SP1: variants seen among roughly 807,000 people sequenced by gnomAD.
SP1 encodes the protein transcription factor Sp1.
A neutral mutation model predicts 66.3 loss-of-function variants in SP1; 6 were observed. The ratio of observed to expected loss-of-function variants is 0.09; its 90% CI spans 0.05 to 0.18. The LOEUF is 0.18. SP1 is among the 10% of genes least tolerant of loss of function. The pLI, the probability that SP1 is intolerant of heterozygous loss-of-function variation, is 1.00. For synonymous variants in SP1, 417 were observed against 360.8 expected (o/e 1.16, Z -1.77); for missense variants, 848 against 964.5 (o/e 0.88, Z 1.60).
chr12:53,395,414 T>C (rs1351944252), intron 3 of SP1, among the ~76,000 whole-genome samples: 1 of 152,108 alleles, frequency 6.6e-6, no homozygotes, highest in Non-Finnish European at 1.5e-5. Context: ...TGTTATCACA[T>C]TTTAAGGCTT....
chr12:53,391,705 C>G (rs1449901055), intron 3 of SP1, among the ~76,000 whole-genome samples: 1 of 151,186 alleles, frequency 6.6e-6, no homozygotes, highest in Non-Finnish European at 1.5e-5. Context: ...TACCCGGGTC[C>G]GGTCATGAGC....
At chr12:53,394,454 A>T in intron 3 of SP1, among the ~76,000 whole-genome samples, 1 of 130,772 alleles carries the variant, frequency 7.6e-6, no homozygotes, top group Non-Finnish European at 1.6e-5. Context: ...TCTGGTGCCC[A>T]GAGTGCTGTG....
intron 3 of SP1, among the ~76,000 whole-genome samples, chr12:53,387,549 A>C (rs1306236035): frequency 6.6e-6 from 1 of 152,224 alleles, no homozygotes; most frequent in African/African-American, 2.4e-5. Context: ...GAAGTTATTT[A>C]GTACAACTGC....
intron 3 of SP1, among the ~76,000 whole-genome samples, chr12:53,387,642 TA>T (rs1490502452): frequency 6.6e-6 from 1 of 152,174 alleles, no homozygotes; most frequent in Admixed American, 6.6e-5. Context: ...TTTACTAGTC[TA>T]GGGTGCAACC....
At position 53,411,165 on chromosome 12, in the gene SP1, T is replaced by C. The variant is rs750020692; in HGVS notation, c.2283T>C (p.Arg761=). The C allele has an allele frequency of 1.2e-6, 2 of 1,614,120 alleles. No homozygotes were observed. Among genetic ancestry groups the C allele is most frequent in the Non-Finnish European group, 1.7e-6 (2 of 1,180,038 alleles). ...MEAICPEGIA[R]LANSGINVMQ... ...CCATCTGTCCAGAGGGCATTGCCCG[T>C]CTTGCCAACAGTGGCATCAACGTCA... The change falls in exon 6 of 6, where the codon CGT becomes CGC. Residue 761 remains arginine, a synonymous_variant. Transcript: ENST00000327443.
intron 3 of SP1, among the ~76,000 whole-genome samples, chr12:53,386,109 A>AT (rs909639194): frequency 1.1e-4 from 17 of 151,552 alleles, no homozygotes; most frequent in African/African-American, 2.9e-4. Context: ...TCAGGATTGA[A>AT]TTTTTTTTTA....
rs1938953070 is a variant in SP1 at position 53,414,284 on chromosome 12, C to G, written c.*3044C>G. ...GATAGTAAAACACTTATTCCCTCAT[C>G]CTTTCAGGTTTTCAGGTTGCCCATT... On this transcript the variant is annotated 3_prime_UTR_variant, in exon 6 of 6. Transcript: ENST00000327443. 6.6e-6 allele frequency: 1 copy of G among 152,540 alleles called. No individual in the cohort carries two copies. Among genetic ancestry groups the G allele is most frequent in the Non-Finnish European group, 1.5e-5 (1 of 68,038 alleles). 9.4% of individuals were successfully genotyped at this position (152,540 alleles called of 1,614,324 possible).
chr12:53,382,949 C>T lies in SP1; in HGVS notation c.1002C>T (p.Ser334=). The part of the protein sequence containing the change: ...ANSYSTTTTT[S]NMGIMNFTTS... ...GCTACTCAACTACTACTACCACCAGCAACATGGGAATTATGAACTTTACTA... is the reference window on the plus strand; with the variant it reads ...GCTACTCAACTACTACTACCACCAGTAACATGGGAATTATGAACTTTACTA... Residue 334 remains serine, a synonymous_variant, in exon 3 of 6, where the codon AGC becomes AGT. Transcript: ENST00000327443. 6.2e-7 allele frequency: 1 copy of T among 1,614,170 alleles called. No homozygotes were observed. Among genetic ancestry groups the T allele is most frequent in the Non-Finnish European group, 8.5e-7 (1 of 1,180,034 alleles).
At chr12:53,397,958 C>G (rs1938527943) in intron 3 of SP1, among the ~76,000 whole-genome samples, 1 of 152,212 alleles carries the variant, frequency 6.6e-6, no homozygotes, top group South Asian at 2.1e-4. Flanking sequence ...AACATTGCTA[C>G]TGAACCTTTG....
chr12:53,380,323 T>C (rs769675143), intron 1 of SP1, 25 bp downstream of exon 1: 19 of 1,525,268 alleles, frequency 1.2e-5, no homozygotes, highest in Admixed American at 1.9e-5. Flanking sequence ...ACTCCAAGCT[T>C]AGGGGTGGGA....
intron 4 of SP1, among the ~76,000 whole-genome samples, 153 bp from the exon 5 acceptor site, chr12:53,409,209 A>AGTG (rs1341563884): frequency 6.8e-6 from 1 of 147,320 alleles, no homozygotes; most frequent in East Asian, 2.0e-4. Flanking sequence ...TGGACGACAG[A>AGTG]GTGAGACTCT....
intron 1 of SP1, 54 bp downstream of exon 1, chr12:53,380,352 C>T: frequency 1.4e-6 from 2 of 1,408,370 alleles, no homozygotes; most frequent in South Asian, 3.0e-5. Flanking sequence ...AGGGGGCGCG[C>T]GCGAGGGCCG....
chr12:53,382,002 T>G (rs1258294586), intron 2 of SP1, 108 bp from the exon 3 acceptor site: 1 of 1,230,796 alleles, frequency 8.1e-7, no homozygotes, highest in Non-Finnish European at 1.1e-6. Context: ...TTTGTTTCTG[T>G]TTTTTGCTCC....
intron 3 of SP1, among the ~76,000 whole-genome samples, chr12:53,389,086 T>C (rs953489690): frequency 6.6e-6 from 1 of 152,050 alleles, no homozygotes; most frequent in East Asian, 1.9e-4. Context: ...GAAAGAACAT[T>C]GGATGTGAAA....
intron 3 of SP1, among the ~76,000 whole-genome samples, chr12:53,392,210 C>T (rs151332133): frequency 5.3e-5 from 8 of 152,108 alleles, no homozygotes; most frequent in East Asian, 1.9e-4. Context: ...GACGGAGTCA[C>T]GCTCTTGTGA....
rs993084385 is a variant in SP1 at position 53,382,712 on chromosome 12, T to C, written c.765T>C (p.Asn255=). 2 of 1,614,050 alleles carry C rather than the reference T, an allele frequency of 1.2e-6. No individual in the cohort carries two copies. The highest frequency in any genetic ancestry group is 1.7e-5 in the Admixed American group (1 of 59,986). ...VLSGQTQYVT[N]VPVALNGNIT... is the part of the protein sequence containing the mutation. ...CAGGACAGACTCAGTATGTGACCAA[T>C]GTACCAGTGGCCCTGAATGGGAACA... Residue 255 remains asparagine, a synonymous_variant, in exon 3 of 6, where the codon AAT becomes AAC. Coordinates refer to ENST00000327443, the MANE Select transcript of SP1 (RefSeq NM_138473.3).
intron 1 of SP1, chr12:53,380,614 C>T (rs1296179543): frequency 5.9e-5 from 60 of 1,012,116 alleles, no homozygotes; most frequent in Non-Finnish European, 6.7e-5. Flanking sequence ...CCGCCGGGGG[C>T]TGGAGCCGCG....
chr12:53,391,344 G>GTTTTTT (rs1938345899), intron 3 of SP1, among the ~76,000 whole-genome samples: 10 of 106,444 alleles, frequency 9.4e-5, no homozygotes, highest in African/African-American at 3.5e-4. Context: ...TTTAAGTAAT[G>GTTTTTT]TCTTTTTTTT....
chr12:53,388,699 G>A (rs1938281254), intron 3 of SP1, among the ~76,000 whole-genome samples: 1 of 152,000 alleles, frequency 6.6e-6, no homozygotes, highest in Admixed American at 6.6e-5. Context: ...TCTTGTTTTG[G>A]CCAGGCGTAG....
Sources: allele counts gnomAD v4.1 joint callset (sites outside exome capture counted in the v4.1 genomes callset), GRCh38; gene constraint gnomAD v4.1.1; transcripts MANE v1.5; gene names NCBI Gene and HGNC (gene_info 2026-07-23, HGNC 2026-07-21).